LRBA: variants seen among roughly 807,000 people sequenced by gnomAD.
LRBA encodes LPS responsive beige-like anchor protein.
LRBA carries 176 observed loss-of-function variants against 330.0 expected under a neutral mutation model. The ratio of observed to expected loss-of-function variants is 0.53; its 90% CI spans 0.47 to 0.60. The LOEUF (loss-of-function observed/expected upper bound fraction) is 0.60. Among genes scored for constraint, LRBA ranks in the 20% least tolerant of loss-of-function variants. LRBA has a pLI of 0.00. For synonymous variants in LRBA, 1,230 were observed against 1,193.0 expected (o/e 1.03, Z -0.64); for missense variants, 3,259 against 3,444.8 (o/e 0.95, Z 1.35).
At chr4:150,517,852 T>C (rs540963213) in intron 40 of LRBA, among the ~76,000 whole-genome samples, 2 of 152,338 alleles carry the variant, frequency 1.3e-5, no homozygotes, top group East Asian at 1.9e-4. Context: ...TCAATTGTCA[T>C]CAGTTGGAAC....
intron 47 of LRBA, among the ~76,000 whole-genome samples, chr4:150,362,428 C>CA (rs1416783915): frequency 6.6e-6 from 1 of 152,176 alleles, no homozygotes; most frequent in Non-Finnish European, 1.5e-5. Context: ...ATCCCTCCTC[C>CA]ATATGAACTG....
Position 150,713,357 on chromosome 4 carries a change from T to C in LRBA, c.5754+21901A>G, listed in dbSNP as rs76734799. 1.6e-4 allele frequency among the ~76,000 whole-genome samples: 25 copies of C among 152,218 alleles called. No individual in the cohort carries two copies. The East Asian group carries it at 4.6e-3, about 28-fold the overall frequency. On this transcript the variant is annotated intron_variant, in intron 36 of 56. Coordinates refer to ENST00000651943, the MANE Select transcript of LRBA (RefSeq NM_001364905.1). ...CATACAAGGCACTGTTTGCTACACA[T>C]AGGTAGAGAAGGAAAGTTGGCATAT...
chr4:150,565,200 T>C (rs1768970337), intron 40 of LRBA, among the ~76,000 whole-genome samples: 1 of 152,188 alleles, frequency 6.6e-6, no homozygotes, highest in African/African-American at 2.4e-5. Flanking sequence ...TTCATGTCTT[T>C]TGCCAGGACA....
intron 47 of LRBA, among the ~76,000 whole-genome samples, chr4:150,361,744 T>C (rs1019096294): frequency 6.6e-6 from 1 of 151,142 alleles, no homozygotes; most frequent in African/African-American, 2.4e-5. Context: ...GAGCTTCAAA[T>C]ACAAAATGCC....
chr4:150,332,339 T>C (rs564756576), intron 48 of LRBA, among the ~76,000 whole-genome samples: 1 of 152,350 alleles, frequency 6.6e-6, no homozygotes, highest in East Asian at 1.9e-4. Flanking sequence ...AGATCTTTCT[T>C]GACCTCACCC....
At chr4:150,437,196 C>T (rs1751224159) in intron 44 of LRBA, among the ~76,000 whole-genome samples, 1 of 151,836 alleles carries the variant, frequency 6.6e-6, no homozygotes, top group Admixed American at 6.6e-5. Flanking sequence ...TTGGAAAGCA[C>T]CTATAAAACC....
At chr4:150,580,119 G>C (rs1419302599) in intron 40 of LRBA, 2 of 187,038 alleles carry the variant, frequency 1.1e-5, no homozygotes, top group African/African-American at 2.4e-5. Context: ...TAGGCGGCGA[G>C]GCGTTCCGGG....
At chr4:150,691,992 A>G (rs1051388068) in intron 36 of LRBA, among the ~76,000 whole-genome samples, 1 of 152,184 alleles carries the variant, frequency 6.6e-6, no homozygotes, top group African/African-American at 2.4e-5. Flanking sequence ...AATAACAGAA[A>G]TCAGATCACT....
In LRBA at chr4:150,925,237, T is replaced by C. The variant is rs117655135; in HGVS notation, c.549+3279A>G. Among the ~76,000 whole-genome samples, 209 of 152,254 alleles carry C rather than the reference T, an allele frequency of 1.4e-3. 2 individuals carry two copies. The highest frequency in any genetic ancestry group is 8.8e-3 in the Admixed American group (135 of 15,286). ...TATCATTGCTTTCTTTCCTATATAT[T>C]TTACATCTATTCCTATTACTCCATG... On this transcript the variant is annotated intron_variant, in intron 4 of 56. Coordinates refer to ENST00000651943, the MANE Select transcript of LRBA (RefSeq NM_001364905.1).
chr4:150,991,614 T>A (rs1319787218), intron 2 of LRBA, among the ~76,000 whole-genome samples: 1 of 152,064 alleles, frequency 6.6e-6, no homozygotes, highest in Non-Finnish European at 1.5e-5. Context: ...GAAAACAAAG[T>A]GACAGGGACA....
chr4:150,408,936 A>T (rs888240132), intron 47 of LRBA, among the ~76,000 whole-genome samples: 2 of 151,738 alleles, frequency 1.3e-5, no homozygotes, highest in African/African-American at 2.4e-5. Flanking sequence ...TCCAATTAAA[A>T]TTTTTTTCCC....
intron 31 of LRBA, among the ~76,000 whole-genome samples, chr4:150,813,290 C>G (rs116360335): frequency 1.1e-3 from 166 of 152,078 alleles, no homozygotes; most frequent in African/African-American, 3.8e-3. Flanking sequence ...AAATCACTTT[C>G]GCTTTTCTTT....
chr4:150,281,002 C>T lies in LRBA; in HGVS notation c.8316+1448G>A, dbSNP rs111776251. Among the ~76,000 whole-genome samples, 1,455 of 152,296 alleles carry T rather than the reference C, an allele frequency of 9.6e-3. 18 individuals are homozygous for T. Among genetic ancestry groups the T allele is most frequent in the African/African-American group, 0.033 (1,388 of 41,550 alleles). ...TTAAAGAGGGAAAAAGCAATGGCTACAGGGCAGAGAGGAGAAGCATGTGTG... is the reference window on the plus strand; with the variant it reads ...TTAAAGAGGGAAAAAGCAATGGCTATAGGGCAGAGAGGAGAAGCATGTGTG... On this transcript the variant is annotated intron_variant, in intron 55 of 56. Coordinates refer to ENST00000651943, the MANE Select transcript of LRBA (RefSeq NM_001364905.1).
intron 37 of LRBA, among the ~76,000 whole-genome samples, chr4:150,639,803 A>G (rs1316706342): frequency 8.3e-4 from 4 of 4,822 alleles, no homozygotes; most frequent in East Asian, 0.01. Context: ...ATATATATAT[A>G]TATGTGTGTG....
intron 30 of LRBA, among the ~76,000 whole-genome samples, chr4:150,827,010 T>C (rs906998441): frequency 3.3e-5 from 5 of 152,164 alleles, no homozygotes; most frequent in Admixed American, 1.3e-4. Flanking sequence ...TGAGAGACTA[T>C]AGATATGACA....
intron 37 of LRBA, among the ~76,000 whole-genome samples, chr4:150,680,047 C>T (rs751657836): frequency 6.6e-6 from 1 of 152,150 alleles, no homozygotes; most frequent in Non-Finnish European, 1.5e-5. Flanking sequence ...GATGATTTGT[C>T]TCCTGACCCA....
intron 42 of LRBA, among the ~76,000 whole-genome samples, chr4:150,478,449 A>T (rs1476945238): frequency 1.3e-5 from 2 of 152,210 alleles, no homozygotes; most frequent in African/African-American, 2.4e-5. Context: ...AGTATTGACT[A>T]AAGATATTGA....
Position 150,873,333 on chromosome 4 carries a change from G to A in LRBA, c.2166-578C>T, listed in dbSNP as rs139958096. ...CAGCTGGATGCAGTGGCTCACGTCTGTAATCCCAGCAGTTTGGGAGGCCAA... is the reference window on the plus strand; with the variant it reads ...CAGCTGGATGCAGTGGCTCACGTCTATAATCCCAGCAGTTTGGGAGGCCAA... On this transcript the variant is annotated intron_variant, in intron 17 of 56. Coordinates refer to ENST00000651943, the MANE Select transcript of LRBA (RefSeq NM_001364905.1). Among the ~76,000 whole-genome samples the A allele has an allele frequency of 1.8e-3, 272 of 152,286 alleles. 8 individuals are homozygous for A. The East Asian group carries it at 0.048, about 27-fold the overall frequency.
intron 37 of LRBA, among the ~76,000 whole-genome samples, chr4:150,661,375 T>G (rs1781079305): frequency 1.3e-5 from 2 of 150,200 alleles, no homozygotes; most frequent in Admixed American, 1.3e-4. Context: ...GCGGAAGAAT[T>G]GCTTGAAGCT....
Sources: allele counts gnomAD v4.1 joint callset (sites outside exome capture counted in the v4.1 genomes callset), GRCh38; gene constraint gnomAD v4.1.1; transcripts MANE v1.5; gene names NCBI Gene and HGNC (gene_info 2026-07-23, HGNC 2026-07-21).